PTPRE: variants seen among roughly 807,000 people sequenced by gnomAD.
The protein encoded by PTPRE is receptor-type tyrosine-protein phosphatase epsilon.
PTPRE carries 51 observed loss-of-function variants against 102.0 expected under a neutral mutation model. The ratio of observed to expected loss-of-function variants is 0.50; its 90% CI spans 0.40 to 0.63. PTPRE has a LOEUF of 0.63. Ranked by LOEUF, PTPRE falls within the 30% of genes least tolerant of loss-of-function variation. The pLI is 0.00. For missense variants in PTPRE, 752 were observed against 915.1 expected, an observed-to-expected ratio of 0.82 and a Z score of 2.30; for synonymous variants, 345 against 348.2, an observed-to-expected ratio of 0.99 and a Z score of 0.10.
At chr10:128,031,065 CT>C (rs1412576199) in intron 2 of PTPRE, among the ~76,000 whole-genome samples, 1 of 152,232 alleles carries the variant, frequency 6.6e-6, no homozygotes, top group African/African-American at 2.4e-5. Context: ...GTTTAGTTGT[CT>C]CTCCACATCC....
chr10:128,069,986 G>A, intron 13 of PTPRE, 159 bp downstream of exon 13: 3 of 1,038,140 alleles, frequency 2.9e-6, no homozygotes, highest in Non-Finnish European at 4.2e-6. Context: ...CCACGCGTGG[G>A]ACCTCAGGGA....
Position 127,962,627 on chromosome 10 carries a change from G to A in PTPRE, c.-30-19647G>A, listed in dbSNP as rs76534685. ...CCACAGAGGCCTCAATGAAGCCGAG[G>A]GAGCTCAGGGGAGCAGGAGTCTAAG... is the stretch of plus-strand genomic sequence containing the variant. On this transcript the variant is annotated intron_variant, in intron 1 of 20. Transcript: ENST00000254667. Among the ~76,000 whole-genome samples, 824 of 152,304 alleles carry A rather than the reference G, an allele frequency of 5.4e-3. 29 individuals are homozygous for A. In the East Asian group the frequency reaches 0.093, roughly 17 times the overall value.
intron 1 of PTPRE, among the ~76,000 whole-genome samples, chr10:127,939,017 C>G (rs913373163): frequency 1.3e-5 from 2 of 152,180 alleles, no homozygotes; most frequent in African/African-American, 4.8e-5. Flanking sequence ...ACCCAGCATG[C>G]AAAGCTGGCC....
At chr10:127,963,659 C>T (rs1469438282) in intron 1 of PTPRE, among the ~76,000 whole-genome samples, 2 of 150,704 alleles carry the variant, frequency 1.3e-5, no homozygotes, top group African/African-American at 5.0e-5. Context: ...CCTCCGATCT[C>T]ACCTGGGGTG....
intron 1 of PTPRE, among the ~76,000 whole-genome samples, chr10:127,948,412 A>G (rs1166215634): frequency 6.6e-6 from 1 of 152,106 alleles, no homozygotes; most frequent in African/African-American, 2.4e-5. Context: ...TTGGTGTTGT[A>G]CATTCTATGC....
intron 2 of PTPRE, among the ~76,000 whole-genome samples, chr10:128,004,013 G>A (rs944329019): frequency 6.6e-6 from 1 of 151,966 alleles, no homozygotes; most frequent in African/African-American, 2.4e-5. Flanking sequence ...ACATGAGTGG[G>A]TGCCTCAGTT....
At position 128,070,458 on chromosome 10, in the gene PTPRE, C is replaced by A; in HGVS notation, c.1293+8C>A. ...CTGGAGGAGGAGTTCAGGGTGAGTA[C>A]AGCTGACCCTCCTCTCCATCCTGGT... On this transcript the variant is annotated splice_region_variant and intron_variant, in intron 14 of 20. Transcript: ENST00000254667. This position sits in a 1 kb window ranked among gnomAD's most constrained non-coding sequence, Gnocchi z 4.8. 6.2e-7 allele frequency: 1 copy of A among 1,611,148 alleles called. No homozygotes were observed. Among genetic ancestry groups the A allele is most frequent in the Non-Finnish European group, 8.5e-7 (1 of 1,178,886 alleles).
chr10:127,948,810 A>G (rs1190565289), intron 1 of PTPRE, among the ~76,000 whole-genome samples: 2 of 152,230 alleles, frequency 1.3e-5, no homozygotes, highest in African/African-American at 4.8e-5. Flanking sequence ...GGAATACCTA[A>G]AAACTTGGTA....
chr10:127,918,057 T>C (rs1846329204), intron 1 of PTPRE, among the ~76,000 whole-genome samples: 1 of 151,844 alleles, frequency 6.6e-6, no homozygotes, highest in East Asian at 2.0e-4. Context: ...TGATGGTTGT[T>C]GTCATCAGAG....
intron 7 of PTPRE, 95 bp from the exon 8 acceptor site, chr10:128,060,844 A>G: frequency 1.6e-6 from 2 of 1,219,130 alleles, no homozygotes; most frequent in African/African-American, 1.5e-5. Context: ...AGGAGCTGAC[A>G]CTGCAGATGA....
intron 6 of PTPRE, among the ~76,000 whole-genome samples, chr10:128,055,756 G>A (rs1323327352): frequency 6.6e-6 from 1 of 152,170 alleles, no homozygotes; most frequent in African/African-American, 2.4e-5. Flanking sequence ...TCACAGTTCT[G>A]TCGTAGTCAG....
intron 2 of PTPRE, among the ~76,000 whole-genome samples, chr10:128,009,213 C>T (rs530264460): frequency 2.6e-5 from 4 of 152,240 alleles, no homozygotes; most frequent in African/African-American, 9.6e-5. Context: ...TTTAAATTTC[C>T]GTCTCCTGCT....
At position 128,019,203 on chromosome 10, in the gene PTPRE, C is replaced by T. The variant is rs1590030340; in HGVS notation, c.-7-21672C>T. On this transcript the variant is annotated intron_variant, in intron 2 of 20. Transcript: ENST00000254667. ...TGAGAGGCCCGACTTCCAATCCCAG[C>T]CCTGCCCCTTGCTCACTGCATGACT... is the stretch of plus-strand genomic sequence containing the variant. Among the ~76,000 whole-genome samples, 3 of 152,370 alleles carry T rather than the reference C, an allele frequency of 2.0e-5. No individual in the cohort carries two copies. In the South Asian group the frequency reaches 6.2e-4, roughly 32 times the overall value.
intron 1 of PTPRE, among the ~76,000 whole-genome samples, chr10:127,942,294 A>C (rs1848305503): frequency 6.6e-6 from 1 of 152,236 alleles, no homozygotes; most frequent in Admixed American, 6.5e-5. Flanking sequence ...ATGTTGAGGA[A>C]AGGTGATCAG....
intron 1 of PTPRE, among the ~76,000 whole-genome samples, chr10:127,924,295 G>A (rs1485099241): frequency 6.6e-6 from 1 of 152,068 alleles, no homozygotes; most frequent in Non-Finnish European, 1.5e-5. Context: ...GTGCGATCTC[G>A]GCTCATTGCA....
At position 128,077,606 on chromosome 10, in the gene PTPRE, C is replaced by T. The variant is rs1851326932; in HGVS notation, c.1726-11C>T. ...GGCAGGCGACGCTGAGACCCCCTCT[C>T]CTCCCTGCAGCCCCAGGCCCGCCAG... On this transcript the variant is annotated splice_polypyrimidine_tract_variant and intron_variant, in intron 18 of 20. Coordinates refer to ENST00000254667, the MANE Select transcript of PTPRE (RefSeq NM_006504.6). The T allele has an allele frequency of 6.3e-7, 1 of 1,595,720 alleles. No individual in the cohort carries two copies. Among genetic ancestry groups the T allele is most frequent in the South Asian group, 1.1e-5 (1 of 90,272 alleles).
chr10:127,987,700 G>C (rs1336808856), intron 2 of PTPRE, among the ~76,000 whole-genome samples: 3 of 152,146 alleles, frequency 2.0e-5, no homozygotes, highest in Non-Finnish European at 4.4e-5. Context: ...CCAAGGTGAG[G>C]TTCACCTTTT....
intron 1 of PTPRE, among the ~76,000 whole-genome samples, chr10:127,921,700 C>T (rs936630764): frequency 5.9e-5 from 9 of 152,184 alleles, no homozygotes; most frequent in East Asian, 1.9e-4. Flanking sequence ...CTGCTTGGAC[C>T]CTGCTCTCAT....
intron 7 of PTPRE, among the ~76,000 whole-genome samples, chr10:128,060,310 C>T (rs1486687562): frequency 6.6e-6 from 1 of 152,106 alleles, no homozygotes; most frequent in Non-Finnish European, 1.5e-5. Context: ...ACACAGAGCA[C>T]TCCACGGTCA....
Sources: allele counts gnomAD v4.1 joint callset (sites outside exome capture counted in the v4.1 genomes callset), GRCh38; gene constraint gnomAD v4.1.1; non-coding constraint Gnocchi (gnomAD v3.1); transcripts MANE v1.5; gene names NCBI Gene and HGNC (gene_info 2026-07-23, HGNC 2026-07-21).